The following ZNF333 variants were observed in gnomAD, a reference collection of about 807,000 sequenced individuals.
ZNF333 encodes zinc finger protein 333.
Under a neutral mutation model 76.1 loss-of-function variants are expected in ZNF333, and 61 were observed. The observed-to-expected ratio is 0.80, with a 90% CI of 0.65 to 0.99. The LOEUF (loss-of-function observed/expected upper bound fraction) is 0.99, where lower values mean the gene tolerates loss of function less well. Among genes scored for constraint, ZNF333 ranks in the 50% least tolerant of loss-of-function variants. The pLI is 0.00. For synonymous variants in ZNF333, 284 were observed against 305.0 expected (o/e 0.93, Z 0.72); for missense variants, 717 against 822.4 (o/e 0.87, Z 1.57).
At chr19:14,712,308 C>T (rs1186089572) in intron 7 of ZNF333, among the ~76,000 whole-genome samples, 1 of 151,952 alleles carries the variant, frequency 6.6e-6, no homozygotes, top group Non-Finnish European at 1.5e-5. Flanking sequence ...CAAACTCCAT[C>T]TCCTAGGTTC....
At chr19:14,716,915 T>C in intron 9 of ZNF333, 79 bp from the exon 10 acceptor site, 15 of 1,358,152 alleles carry the variant, frequency 1.1e-5, no homozygotes, top group Non-Finnish European at 1.4e-5. Context: ...CTAGAGCCCC[T>C]AAAGACTTGA....
rs946116081 is a variant in ZNF333, at chr19:14,721,299, T to C, written c.*1974T>C. 1 of 148,626 alleles carries C rather than the reference T, an allele frequency of 6.7e-6. No individual in the cohort carries two copies. Among genetic ancestry groups the C allele is most frequent in the Non-Finnish European group, 1.5e-5 (1 of 67,326 alleles). The allele number at this position is 148,626 out of a possible 1,614,324, so 9.2% of individuals were successfully genotyped here. ...CTTGTTCTTTTTTTTTTTTTTTTTT[T>C]TTTTTTGGTTTTAAAGTTCTCTTAG... On this transcript the variant is annotated 3_prime_UTR_variant, in exon 12 of 12. Transcript: ENST00000292530.
intron 5 of ZNF333, among the ~76,000 whole-genome samples, chr19:14,703,834 G>C (rs965648642): frequency 6.6e-6 from 1 of 152,180 alleles, no homozygotes; most frequent in Non-Finnish European, 1.5e-5. Context: ...TGTGGGTCAC[G>C]GGATTTGGAG....
Position 14,720,511 on chromosome 19 carries a change from G to C in ZNF333, c.*1186G>C, listed in dbSNP as rs2042563696. 2.0e-6 allele frequency: 2 copies of C among 985,386 alleles called. No homozygotes were observed. Among genetic ancestry groups the C allele is most frequent in the Non-Finnish European group, 2.4e-6 (2 of 829,912 alleles). The allele number at this position is 985,386 out of a possible 1,614,324, so 61.0% of individuals were successfully genotyped here. A position where few individuals can be genotyped will look rare whatever the true frequency, so the allele number is the denominator to read the frequency against. On this transcript the variant is annotated 3_prime_UTR_variant, in exon 12 of 12. Transcript: ENST00000292530. Reference sequence around the variant, plus strand: ...ATTTAGGATAGATTTAATAGAATTGGCATATTTATGTGATTGCAGCAGCCC... The same window carrying C: ...ATTTAGGATAGATTTAATAGAATTGCCATATTTATGTGATTGCAGCAGCCC...
intron 2 of ZNF333, among the ~76,000 whole-genome samples, chr19:14,694,155 C>G (rs1232477375): frequency 6.6e-6 from 1 of 152,084 alleles, no homozygotes; most frequent in Non-Finnish European, 1.5e-5. Flanking sequence ...CAGCACTGCT[C>G]TGAAGAATTC....
At chr19:14,700,303 G>C (rs534185618) in intron 5 of ZNF333, 14 of 152,242 alleles carry the variant, frequency 9.2e-5, no homozygotes, top group African/African-American at 3.4e-4. Flanking sequence ...CTACAGGTGT[G>C]AGCCAGTGGG....
At chr19:14,706,451 C>G (rs2042112607) in intron 6 of ZNF333, 1 of 521,914 alleles carries the variant, frequency 1.9e-6, no homozygotes, top group South Asian at 2.1e-5. Context: ...TTGGAGGGTG[C>G]CACCTTCCCC....
intron 7 of ZNF333, chr19:14,708,043 T>G: frequency 2.5e-6 from 1 of 397,364 alleles, no homozygotes; most frequent in Non-Finnish European, 4.5e-6. Flanking sequence ...CATCTCGCTC[T>G]GTCACCTGGG....
rs2042072562 is a variant in ZNF333, at chr19:14,705,140, C to A, written c.393C>A (p.Leu131=). 6.2e-7 allele frequency: 1 copy of A among 1,613,794 alleles called. No homozygotes were observed. The highest frequency in any genetic ancestry group is 8.5e-7 in the Non-Finnish European group (1 of 1,179,938). The change falls in exon 6 of 12, where the codon CTC becomes CTA. Residue 131 remains leucine (L), a synonymous_variant. Transcript: ENST00000292530. ...TPLTREDRPA[L]QEPPWSLGCT... is the part of the protein sequence containing the mutation. Reference sequence around the variant, plus strand: ...TGACTCGAGAGGACCGGCCAGCTCTCCAGGAGCCGCCTTGGTCTCTGGGAT... The same window carrying A: ...TGACTCGAGAGGACCGGCCAGCTCTACAGGAGCCGCCTTGGTCTCTGGGAT...
chr19:14,718,411 G>T lies in ZNF333; in HGVS notation c.1084G>T (p.Gly362Trp). ...AATTGTGCCCGAGAAAATCCGTAGT[G>T]GGGATAAATCCTATGCATGTAACAA... The part of the protein sequence containing the change: ...HLIVPEKIRS[G>W]DKSYACNKCE... Residue 362 changes from glycine (G) to tryptophan (W), a missense_variant, in exon 12 of 12, where the codon GGG becomes TGG. Physicochemically the swap from Gly to Trp is radical, Grantham distance 184. Transcript: ENST00000292530. 6.2e-7 allele frequency: 1 copy of T among 1,614,146 alleles called. No homozygotes were observed. Among genetic ancestry groups the T allele is most frequent in the Non-Finnish European group, 8.5e-7 (1 of 1,180,024 alleles).
rs143368556 is a variant in ZNF333 at position 14,706,984 on chromosome 19, C to T, written c.511+211C>T. 8.5e-3 allele frequency: 4,354 copies of T among 513,880 alleles called. 30 individuals carry two copies. Among genetic ancestry groups the T allele is most frequent in the Non-Finnish European group, 0.012 (3,522 of 295,684 alleles). The allele number at this position is 513,880 out of a possible 1,614,324, so 31.8% of individuals were successfully genotyped here. A position where few individuals can be genotyped will look rare whatever the true frequency, so the allele number is the denominator to read the frequency against. The stretch of plus-strand genomic sequence containing the variant: ...AGATCTTTAAGAAAGAGAGGGCTCA[C>T]TCAACCACAGCAAAGGCCAGACCTC... On this transcript the variant is annotated intron_variant, in intron 7 of 11. Coordinates refer to ENST00000292530, the MANE Select transcript of ZNF333 (RefSeq NM_032433.4).
intron 7 of ZNF333, among the ~76,000 whole-genome samples, chr19:14,709,881 A>G (rs1905663934): frequency 6.6e-6 from 1 of 152,234 alleles, no homozygotes; most frequent in Non-Finnish European, 1.5e-5. Context: ...CGACAGCTCA[A>G]CACCAGACAT....
rs943874600 is a variant in ZNF333 at position 14,707,846 on chromosome 19, C to T, written c.511+1073C>T. 5.5e-5 allele frequency: 21 copies of T among 382,664 alleles called. No individual in the cohort carries two copies. In the East Asian group the frequency reaches 5.6e-4, roughly 10 times the overall value. The allele number at this position is 382,664 out of a possible 1,614,324, so 23.7% of individuals were successfully genotyped here. ...GATTACAGGCGTGAGCCACCGCGCC[C>T]GGCCATAAACTTTGTTTCTTAAAAG... On this transcript the variant is annotated intron_variant, in intron 7 of 11. Coordinates refer to ENST00000292530, the MANE Select transcript of ZNF333 (RefSeq NM_032433.4).
rs1180611568 is a variant in ZNF333 at position 14,698,935 on chromosome 19, T to TATAGATAGATATATATAC, written c.224-263_224-262insTAGATAGATATATATACA. Among the ~76,000 whole-genome samples, 693 of 139,298 alleles carry TATAGATAGATATATATAC rather than the reference T, an allele frequency of 5.0e-3. 7 individuals are homozygous for TATAGATAGATATATATAC. Among genetic ancestry groups the TATAGATAGATATATATAC allele is most frequent in the Middle Eastern group, 0.015 (4 of 266 alleles). The allele number at this position is 139,298 out of a possible 152,430, so 91.4% of individuals were successfully genotyped here. ...ATATATATATATATATATATATATA[T>TATAGATAGATATATATAC]ACACACATATATATTTTCAATTTTA... On this transcript the variant is annotated intron_variant, in intron 4 of 11. Coordinates refer to ENST00000292530, the MANE Select transcript of ZNF333 (RefSeq NM_032433.4).
Position 14,719,721 on chromosome 19 carries a change from A to G in ZNF333, c.*396A>G. 9.9e-7 allele frequency: 1 copy of G among 1,005,260 alleles called. No homozygotes were observed. Among genetic ancestry groups the G allele is most frequent in the Non-Finnish European group, 1.2e-6 (1 of 842,622 alleles). 62.3% of individuals were successfully genotyped at this position (1,005,260 alleles called of 1,614,324 possible). ...TGTTGTTGGTTTCTAATTTAATTAC[A>G]TGGTGAGAAGAGTATGTGGCCTCTT... On this transcript the variant is annotated 3_prime_UTR_variant, in exon 12 of 12. Coordinates refer to ENST00000292530, the MANE Select transcript of ZNF333 (RefSeq NM_032433.4).
chr19:14,724,007 C>T (rs1176709150), downstream of ZNF333, among the ~76,000 whole-genome samples: 1 of 152,186 alleles, frequency 6.6e-6, no homozygotes, highest in Non-Finnish European at 1.5e-5. Flanking sequence ...GGGCATTCTG[C>T]AGGTGGGCCC....
intron 6 of ZNF333, 32 bp from the exon 7 acceptor site, chr19:14,706,654 C>T (rs1473185721): frequency 3.1e-6 from 5 of 1,599,904 alleles, no homozygotes; most frequent in Non-Finnish European, 4.3e-6. Flanking sequence ...AGCTTCTTGA[C>T]TCTAATCTGT....
At chr19:14,691,937 A>G (rs3850138) in intron 1 of ZNF333, among the ~76,000 whole-genome samples, 11,156 of 152,202 alleles carry the variant, frequency 0.073, 582 homozygotes, top group African/African-American at 0.15. Context: ...TCGGCCTCCC[A>G]AAGTGCTGGG....
Position 14,699,199 on chromosome 19 carries a change from C to T in ZNF333, c.224C>T (p.Ala75Val), listed in dbSNP as rs947852552. 8.7e-6 allele frequency: 14 copies of T among 1,612,668 alleles called. No homozygotes were observed. The highest frequency in any genetic ancestry group is 1.7e-4 in the Middle Eastern group (1 of 6,050). Residue 75 changes from alanine to valine, a missense_variant and splice_region_variant, in exon 5 of 12, where the codon GCC (alanine) becomes GTC (valine). Physicochemically the swap from Ala to Val is moderately conservative, Grantham distance 64. Coordinates refer to ENST00000292530, the MANE Select transcript of ZNF333 (RefSeq NM_032433.4). ...ERGILRATGV[A>V]WESQLKPEEL... The stretch of plus-strand genomic sequence containing the variant: ...TCATTTTTTCTCCCATTCATTTCAG[C>T]CTGGGAATCTCAACTTAAACCCGAA...
Sources: gnomAD v4.1 joint callset for allele counts (sites outside exome capture counted in the v4.1 genomes callset) on GRCh38, gnomAD v4.1.1 for gene constraint, MANE v1.5 for transcripts, NCBI Gene and HGNC (gene_info 2026-07-23, HGNC 2026-07-21) for gene names.